Variants in TAF1 observed in about 807,000 individuals in gnomAD.
The protein encoded by TAF1 is TATA-box binding protein associated factor 1, also known as transcription initiation factor TFIID subunit 1.
A neutral mutation model predicts 138.5 loss-of-function variants in TAF1; 2 were observed. The observed-to-expected ratio is 0.01, with a 90% confidence interval of 0.01 to 0.05. The LOEUF is 0.05. Ranked by LOEUF, TAF1 falls within the 10% of genes least tolerant of loss-of-function variation. The probability of loss-of-function intolerance (pLI) is 1.00; values close to 1 mark genes in which losing one functional copy is unlikely to be tolerated. For missense variants in TAF1, 709 were observed against 1,478.0 expected (o/e 0.48, Z 8.53); for synonymous variants, 437 against 503.2 (o/e 0.87, Z 1.76).
At chrX:71,476,074 C>T (rs1300619990) in intron 13 of TAF1, among the ~76,000 whole-genome samples, 5 of 111,893 alleles carry the variant, frequency 4.5e-5, no homozygotes. Context: ...GTACAGCCTA[C>T]AGAGAACCGT....
At chrX:71,462,273 T>C (rs2038579168) in intron 37 of TAF1, among the ~76,000 whole-genome samples, 1 of 111,646 alleles carries the variant, frequency 9.0e-6, no homozygotes, top group Admixed American at 9.5e-5. Flanking sequence ...ATGGCCAATA[T>C]ATCATATGAA....
Position 71,503,277 on chromosome X carries a change from A to AAAAAAATATATATATATGTGTATATAT in TAF1, c.1367-25264_1367-25263insAAAAATATATATATATGTGTATATATA, listed in dbSNP as rs1569408229. Among the ~76,000 whole-genome samples, 29 of 90,143 alleles carry AAAAAAATATATATATATGTGTATATAT rather than the reference A, an allele frequency of 3.2e-4. 1 individual carries two copies. The highest frequency in any genetic ancestry group is 1.3e-3 in the African/African-American group (29 of 22,132). The allele number at this position is 90,143 out of a possible 115,157, so 78.3% of individuals were successfully genotyped here. A position where few individuals can be genotyped will look rare whatever the true frequency, so the allele number is the denominator to read the frequency against. On this transcript the variant is annotated intron_variant and NMD_transcript_variant, in intron 13 of 14. Transcript: ENST00000373775. ...CAGAGTGAGACTGTCTCAAAAAAAA[A>AAAAAAATATATATATATGTGTATATAT]ATATATATATATATATATGTGTATA...
rs2148243568 is a variant in TAF1, at chrX:71,378,960, A to G, written c.1289A>G (p.Gln430Arg). The G allele has an allele frequency of 8.3e-7, 1 of 1,211,407 alleles. No homozygotes were observed. The highest frequency in any genetic ancestry group is 1.1e-6 in the Non-Finnish European group (1 of 895,512). The change falls in exon 8 of 38, where the codon CAG becomes CGG. Residue 430 changes from glutamine to arginine, a missense_variant. Physicochemically the swap from Gln to Arg is conservative, Grantham distance 43. Transcript: ENST00000423759. ...EDVKHKGTKP[Q>R]RASLAGWLPS... ...GTCAAACACAAAGGGACAAAACCTC[A>G]GCGTGCAAGCCTGGCAGGCTGGCTT...
intron 34 of TAF1, among the ~76,000 whole-genome samples, chrX:71,457,559 A>G (rs1258567187): frequency 8.9e-6 from 1 of 112,280 alleles, no homozygotes; most frequent in Non-Finnish European, 1.9e-5. Flanking sequence ...GGCAGAAAAC[A>G]GGGAAGGGAT....
intron 32 of TAF1, among the ~76,000 whole-genome samples, chrX:71,425,817 A>G (rs955110331): frequency 1.8e-5 from 2 of 111,896 alleles, no homozygotes; most frequent in African/African-American, 6.5e-5. Flanking sequence ...GAGTACTTAC[A>G]TGCGCTGGCA....
chrX:71,454,040 C>A, intron 32 of TAF1, 130 bp from the exon 33 acceptor site: 1 of 511,705 alleles, frequency 2.0e-6, no homozygotes, highest in Non-Finnish European at 3.2e-6. Context: ...GAAAGTAGAA[C>A]AAGAGTCCAA....
In TAF1 at chrX:71,459,605, A is replaced by G. The variant is rs755546540; in HGVS notation, c.5118A>G (p.Gln1706=). 5.0e-6 allele frequency: 6 copies of G among 1,209,072 alleles called. No individual in the cohort carries two copies. In the East Asian group the frequency reaches 8.9e-5, roughly 18 times the overall value. ...CAGATGAAGAGGAAGGAACTGTACA[A>G]CAGCCTCAAGCCAGTGTCCTGTATG... The part of the protein sequence containing the change: ...DLADEEEGTV[Q]QPQASVLYED... Residue 1706 remains glutamine, a synonymous_variant, in exon 36 of 38, where the codon CAA becomes CAG. Coordinates refer to ENST00000423759, the MANE Select transcript of TAF1 (RefSeq NM_004606.5).
intron 13 of TAF1, among the ~76,000 whole-genome samples, chrX:71,516,330 C>T (rs375332317): frequency 2.8e-5 from 3 of 106,829 alleles, no homozygotes; most frequent in East Asian, 2.9e-4. Context: ...CCTCGGCCTC[C>T]GAAAGTCCTG....
chrX:71,485,799 C>T (rs2039159782), intron 13 of TAF1, among the ~76,000 whole-genome samples: 1 of 110,326 alleles, frequency 9.1e-6, no homozygotes, highest in African/African-American at 3.3e-5. Flanking sequence ...TATAGGTTGC[C>T]TTTTTACTCT....
At chrX:71,504,274 C>T (rs1272287370) in intron 13 of TAF1, among the ~76,000 whole-genome samples, 2 of 109,905 alleles carry the variant, frequency 1.8e-5, no homozygotes, top group Admixed American at 1.0e-4. Context: ...TGTTCTGTTT[C>T]TCTGATTGAA....
intron 11 of TAF1, 38 bp downstream of exon 11, chrX:71,382,906 C>T (rs774118094): frequency 1.7e-6 from 2 of 1,194,025 alleles, no homozygotes; most frequent in East Asian, 3.0e-5. Context: ...AGGAGAACCC[C>T]ATGGCTTTGT....
chrX:71,385,567 A>G (rs777110770), intron 14 of TAF1, among the ~76,000 whole-genome samples: 1 of 110,762 alleles, frequency 9.0e-6, no homozygotes, highest in East Asian at 2.8e-4. Flanking sequence ...TGGTCCACAA[A>G]TGATGTGGAA....
intron 13 of TAF1, among the ~76,000 whole-genome samples, chrX:71,511,987 C>T (rs1485077707): frequency 1.9e-5 from 2 of 103,408 alleles, no homozygotes; most frequent in Non-Finnish European, 3.9e-5. Context: ...CACACTCCAT[C>T]CTGGGTGACA....
At position 71,513,494 on chromosome X, in the gene TAF1, C is replaced by T. The variant is rs781164373; in HGVS notation, c.1367-15048C>T. Among the ~76,000 whole-genome samples the T allele has an allele frequency of 1.5e-4, 17 of 111,290 alleles. No individual in the cohort carries two copies. In the East Asian group the frequency reaches 4.5e-3, roughly 30 times the overall value. On this transcript the variant is annotated intron_variant and NMD_transcript_variant, in intron 13 of 14. Transcript: ENST00000373775. ...AGAGTGGTTAGCTGTACCCACCCAA[C>T]GTTAGAGGTCTGTGGGGCTGGTGTG...
chrX:71,497,054 G>C (rs192914340), intron 13 of TAF1, among the ~76,000 whole-genome samples: 1 of 111,934 alleles, frequency 8.9e-6, no homozygotes, highest in Non-Finnish European at 1.9e-5. Context: ...TCTAAGGCTC[G>C]GGTAAGTGCC....
Position 71,433,762 on chromosome X carries a change from A to AT in TAF1, c.4753+9535dup, listed in dbSNP as rs200950142. 6.4e-3 allele frequency among the ~76,000 whole-genome samples: 676 copies of AT among 105,757 alleles called. 19 individuals carry two copies. In the East Asian group the frequency reaches 0.14, roughly 22 times the overall value. 91.8% of individuals were successfully genotyped at this position (105,757 alleles called of 115,157 possible). On this transcript the variant is annotated intron_variant, in intron 32 of 37. Coordinates refer to ENST00000423759, the MANE Select transcript of TAF1 (RefSeq NM_004606.5). Reference sequence around the variant, plus strand: ...AAAAACAGGCCTTAGAGTAGGAGAGATTTTTTTTTTTCTCCCCAAGAAGAA... The same window carrying AT: ...AAAAACAGGCCTTAGAGTAGGAGAGATTTTTTTTTTTTCTCCCCAAGAAGAA...
At position 71,387,301 on chromosome X, in the gene TAF1, A is replaced by T; in HGVS notation, c.2267A>T (p.His756Leu). The T allele has an allele frequency of 1.7e-6, 2 of 1,211,957 alleles. No individual in the cohort carries two copies. The highest frequency in any genetic ancestry group is 2.2e-6 in the Non-Finnish European group (2 of 895,583). ...NNLFRAPIYL[H>L]KMPETDFLII... The stretch of plus-strand genomic sequence containing the variant: ...CTTTTTCGTGCTCCAATTTATCTTC[A>T]TAAGATGCCAGAAACTGATTTCTTG... Residue 756 changes from histidine to leucine, a missense_variant, in exon 15 of 38, where the codon CAT becomes CTT. This residue lies in a region of TAF1 where 201 missense variants were observed against 421.3 expected (regional missense o/e 0.48). Coordinates refer to ENST00000423759, the MANE Select transcript of TAF1 (RefSeq NM_004606.5).
At chrX:71,503,548 T>TCCTCAGAGTC (rs1220438043) in intron 13 of TAF1, among the ~76,000 whole-genome samples, 1 of 109,380 alleles carries the variant, frequency 9.1e-6, no homozygotes, top group Non-Finnish European at 1.9e-5. Context: ...GCCATCCCCT[T>TCCTCAGAGTC]CCTCAGAGTC....
At chrX:71,453,075 G>T (rs189921927) in intron 32 of TAF1, among the ~76,000 whole-genome samples, 18 of 110,705 alleles carry the variant, frequency 1.6e-4, no homozygotes, top group Non-Finnish European at 2.8e-4. Context: ...GGGAGACCGT[G>T]GGGAGACGGG....
Sources: allele counts gnomAD v4.1 joint callset (sites outside exome capture counted in the v4.1 genomes callset), GRCh38; gene constraint gnomAD v4.1.1; regional missense constraint gnomAD v4.1.1; transcripts MANE v1.5; gene names NCBI Gene and HGNC (gene_info 2026-07-23, HGNC 2026-07-21).